The following SOX5 variants were observed in gnomAD, a reference collection of about 807,000 sequenced individuals.
SOX5 encodes the protein transcription factor SOX-5.
A neutral mutation model predicts 92.0 loss-of-function variants in SOX5; 9 were observed. The ratio of observed to expected loss-of-function variants is 0.10; its 90% CI spans 0.06 to 0.17. SOX5 has a LOEUF of 0.17. SOX5 is among the 10% of genes least tolerant of loss of function. The pLI is 1.00. For missense variants in SOX5, 642 were observed against 944.5 expected (o/e 0.68, Z 4.20); for synonymous variants, 344 against 336.3 (o/e 1.02, Z -0.25).
At chr12:24,271,365 G>A (rs1206896478) in intron 3 of SOX5, among the ~76,000 whole-genome samples, 1 of 152,012 alleles carries the variant, frequency 6.6e-6, no homozygotes, top group African/African-American at 2.4e-5. Context: ...TTTTTCTACT[G>A]GACTATGTGA....
chr12:24,421,390 A>C (rs1163520766), intron 1 of SOX5, among the ~76,000 whole-genome samples: 1 of 152,232 alleles, frequency 6.6e-6, no homozygotes, highest in Non-Finnish European at 1.5e-5. Flanking sequence ...TATGTCACTA[A>C]TTCATTTGTT....
At position 23,846,147 on chromosome 12, in the gene SOX5, G is replaced by A. The variant is rs2096572365; in HGVS notation, c.317C>T (p.Ser106Leu). Residue 106 changes from serine to leucine, a missense_variant, in exon 3 of 15, where the codon TCA becomes TTA. Ser to Leu is a moderately radical substitution (Grantham distance 145). This residue lies in a region of SOX5 where 29 missense variants were observed against 47.4 expected (regional missense o/e 0.61). Coordinates refer to ENST00000451604, the MANE Select transcript of SOX5 (RefSeq NM_006940.6). ...KVMSSFAPHN[S>L]STSPQKAEEG... ...TTCTGCCTTCTGAGGTGAGGTAGAT[G>A]AGTTGTGTGGGGCAAATGAAGACAT... 1.2e-6 allele frequency: 2 copies of A among 1,614,110 alleles called. No homozygotes were observed.
intron 2 of SOX5, among the ~76,000 whole-genome samples, chr12:24,279,370 A>C (rs1184375332): frequency 6.6e-6 from 1 of 152,130 alleles, no homozygotes; most frequent in Non-Finnish European, 1.5e-5. Flanking sequence ...GAATTATTAT[A>C]AGTACTCTGC....
At chr12:24,143,464 G>A (rs1273725441) in intron 4 of SOX5, among the ~76,000 whole-genome samples, 1 of 151,840 alleles carries the variant, frequency 6.6e-6, no homozygotes, top group Admixed American at 6.6e-5. Flanking sequence ...AAAAACTTAA[G>A]GAAAAGATGG....
intron 1 of SOX5, among the ~76,000 whole-genome samples, chr12:24,512,831 T>G (rs1225327061): frequency 6.6e-6 from 1 of 152,220 alleles, no homozygotes; most frequent in Non-Finnish European, 1.5e-5. Context: ...AACCAGGGAC[T>G]ATAATCCATC....
chr12:24,351,050 C>T (rs997428287), intron 2 of SOX5, among the ~76,000 whole-genome samples: 3 of 151,704 alleles, frequency 2.0e-5, no homozygotes, highest in Admixed American at 6.6e-5. Flanking sequence ...AGAGCAAGAG[C>T]GAGACTCTAT....
intron 4 of SOX5, among the ~76,000 whole-genome samples, chr12:24,062,605 C>T (rs1202168224): frequency 6.6e-6 from 1 of 152,206 alleles, no homozygotes; most frequent in Non-Finnish European, 1.5e-5. Flanking sequence ...GGTGGGGCCT[C>T]CTGACAGCTT....
chr12:23,535,776 T>G (rs1222036708), intron 14 of SOX5, among the ~76,000 whole-genome samples: 1 of 152,242 alleles, frequency 6.6e-6, no homozygotes, highest in Admixed American at 6.5e-5. Context: ...TCTAAGAAGC[T>G]CTTAGAAACT....
chr12:24,429,129 A>G (rs1937706586), intron 1 of SOX5, among the ~76,000 whole-genome samples: 1 of 152,058 alleles, frequency 6.6e-6, no homozygotes, highest in Non-Finnish European at 1.5e-5. Flanking sequence ...CATCCTGGCT[A>G]ACACGGTGAA....
chr12:23,672,487 C>T (rs897127161), intron 6 of SOX5, among the ~76,000 whole-genome samples: 1 of 152,034 alleles, frequency 6.6e-6, no homozygotes, highest in Non-Finnish European at 1.5e-5. Context: ...GATACAAACT[C>T]AATTTGTATA....
At chr12:24,084,958 G>T (rs966440648) in intron 4 of SOX5, among the ~76,000 whole-genome samples, 5 of 151,990 alleles carry the variant, frequency 3.3e-5, no homozygotes, top group African/African-American at 9.7e-5. Flanking sequence ...TTGGCTATCT[G>T]CCTTTTTCAC....
chr12:23,536,242 T>G (rs1188856151), intron 14 of SOX5, among the ~76,000 whole-genome samples: 1 of 152,218 alleles, frequency 6.6e-6, no homozygotes, highest in Non-Finnish European at 1.5e-5. Context: ...AAACCAGTTG[T>G]TAACAAATCT....
chr12:23,764,093 T>C (rs530918154), intron 3 of SOX5, among the ~76,000 whole-genome samples: 33 of 152,128 alleles, frequency 2.2e-4, no homozygotes, highest in Admixed American at 1.6e-3. Flanking sequence ...GGAGGGTTAC[T>C]AAGGCGAGAG....
At chr12:24,102,568 A>G (rs933059903) in intron 4 of SOX5, among the ~76,000 whole-genome samples, 3 of 152,252 alleles carry the variant, frequency 2.0e-5, no homozygotes, top group African/African-American at 7.2e-5. Flanking sequence ...CGTCATCTAG[A>G]GTTCTTTGGA....
At chr12:24,019,153 T>C (rs999313558) in intron 4 of SOX5, among the ~76,000 whole-genome samples, 2 of 151,890 alleles carry the variant, frequency 1.3e-5, no homozygotes, top group Non-Finnish European at 2.9e-5. Flanking sequence ...AGAAAAAAAA[T>C]GTTGTACAGA....
intron 4 of SOX5, among the ~76,000 whole-genome samples, chr12:24,136,002 C>T (rs1950074225): frequency 6.6e-6 from 1 of 152,076 alleles, no homozygotes; most frequent in Non-Finnish European, 1.5e-5. Flanking sequence ...TACTTTAGGG[C>T]AATTTATCTT....
chr12:23,860,952 TAAAAAAAAA>T (rs71059935), intron 2 of SOX5, among the ~76,000 whole-genome samples: 4,352 of 45,954 alleles, frequency 0.095, 130 homozygotes, highest in South Asian at 0.18. Flanking sequence ...GTATATTTTG[TAAAAAAAAA>T]AAAAAAAAAA....
chr12:24,435,270 G>C (rs571713429), intron 1 of SOX5, among the ~76,000 whole-genome samples: 2 of 152,348 alleles, frequency 1.3e-5, no homozygotes, highest in South Asian at 4.1e-4. Flanking sequence ...GAGCAGAGTA[G>C]AGTGATGGGA....
chr12:23,814,995 T>C (rs2095959596), intron 3 of SOX5, among the ~76,000 whole-genome samples: 1 of 152,208 alleles, frequency 6.6e-6, no homozygotes, highest in Non-Finnish European at 1.5e-5. Flanking sequence ...AGAACAGCTA[T>C]AAACTGCAAA....
Sources: gnomAD v4.1 joint callset for allele counts (sites outside exome capture counted in the v4.1 genomes callset) on GRCh38, gnomAD v4.1.1 for gene constraint, gnomAD v4.1.1 regional missense constraint, MANE v1.5 for transcripts, NCBI Gene and HGNC (gene_info 2026-07-23, HGNC 2026-07-21) for gene names.